The following KLHL32 variants were observed in gnomAD, a reference collection of about 807,000 sequenced individuals.
The protein encoded by KLHL32 is kelch like family member 32.
Under a neutral mutation model 64.8 loss-of-function variants are expected in KLHL32, and 35 were observed. The observed-to-expected ratio is 0.54, with a 90% CI of 0.41 to 0.72. The LOEUF is 0.72. KLHL32 is among the 30% of genes least tolerant of loss of function. The pLI, the probability that KLHL32 is intolerant of heterozygous loss-of-function variation, is 0.00. For missense variants in KLHL32, 589 were observed against 768.5 expected (o/e 0.77, Z 2.76); for synonymous variants, 259 against 281.0 (o/e 0.92, Z 0.78).
chr6:96,973,730 C>CTTT (rs558193523), intron 2 of KLHL32, among the ~76,000 whole-genome samples: 1 of 118,256 alleles, frequency 8.5e-6, no homozygotes, highest in Non-Finnish European at 1.7e-5. Context: ...TACAGATTGC[C>CTTT]TTTTTTTTTT....
intron 6 of KLHL32, among the ~76,000 whole-genome samples, chr6:97,109,829 T>G (rs1298586124): frequency 2.9e-4 from 44 of 152,170 alleles, no homozygotes; most frequent in Admixed American, 2.9e-3. Flanking sequence ...TGTAAGGATA[T>G]AAGAATGCCA....
At chr6:97,030,280 C>T (rs928080408) in intron 3 of KLHL32, among the ~76,000 whole-genome samples, 1 of 152,132 alleles carries the variant, frequency 6.6e-6, no homozygotes, top group African/African-American at 2.4e-5. Context: ...TCGTAAGGTA[C>T]CACCCTAAAA....
intron 4 of KLHL32, among the ~76,000 whole-genome samples, chr6:97,062,807 G>A (rs1282888741): frequency 6.6e-6 from 1 of 152,214 alleles, no homozygotes; most frequent in Non-Finnish European, 1.5e-5. Context: ...TATAATGTGA[G>A]GTGGTAAGCA....
chr6:96,966,708 C>T (rs1020473667), intron 1 of KLHL32, among the ~76,000 whole-genome samples: 5 of 152,138 alleles, frequency 3.3e-5, no homozygotes, highest in African/African-American at 1.2e-4. Context: ...TTCCTTTGGC[C>T]ATTCCATCTC....
intron 5 of KLHL32, among the ~76,000 whole-genome samples, chr6:97,068,577 C>G (rs911199211): frequency 6.6e-6 from 1 of 152,174 alleles, no homozygotes; most frequent in Non-Finnish European, 1.5e-5. Context: ...TAATTTTTAA[C>G]AAATAATAGG....
At chr6:96,950,683 G>A (rs1772467034) in intron 1 of KLHL32, among the ~76,000 whole-genome samples, 1 of 152,124 alleles carries the variant, frequency 6.6e-6, no homozygotes, top group South Asian at 2.1e-4. Context: ...TATTCAACCT[G>A]GCCAGATGTA....
chr6:96,963,418 A>G (rs1387931640), intron 1 of KLHL32, among the ~76,000 whole-genome samples: 2 of 152,226 alleles, frequency 1.3e-5, no homozygotes, highest in African/African-American at 2.4e-5. Context: ...AGAGAACTTC[A>G]TTTACAAAAA....
At chr6:96,941,489 T>G (rs1000194295) in intron 1 of KLHL32, among the ~76,000 whole-genome samples, 2 of 152,202 alleles carry the variant, frequency 1.3e-5, no homozygotes, top group African/African-American at 4.8e-5. Context: ...TAAATAAGTT[T>G]TCTGAGTGAC....
chr6:97,100,274 C>T (rs577906221), intron 6 of KLHL32, among the ~76,000 whole-genome samples: 3 of 152,272 alleles, frequency 2.0e-5, no homozygotes, highest in African/African-American at 7.2e-5. Context: ...GAAGGCAGTG[C>T]AAAATATGCT....
intron 1 of KLHL32, among the ~76,000 whole-genome samples, chr6:96,939,924 G>A (rs1200366110): frequency 1.3e-5 from 2 of 152,078 alleles, no homozygotes; most frequent in East Asian, 3.9e-4. Context: ...TGGGAATAGA[G>A]AAGGAGAGAA....
intron 5 of KLHL32, among the ~76,000 whole-genome samples, chr6:97,083,369 G>A (rs1272473258): frequency 3.4e-5 from 5 of 146,956 alleles, no homozygotes; most frequent in African/African-American, 5.1e-5. Flanking sequence ...CAGCCTGGGC[G>A]ACAGAGCAAG....
intron 3 of KLHL32, among the ~76,000 whole-genome samples, chr6:97,018,166 T>C (rs765257597): frequency 2.0e-5 from 3 of 152,066 alleles, no homozygotes; most frequent in Non-Finnish European, 4.4e-5. Flanking sequence ...CTTTTTTCAA[T>C]GCTACATACT....
At chr6:97,074,425 A>G (rs1040532236) in intron 5 of KLHL32, among the ~76,000 whole-genome samples, 2 of 152,198 alleles carry the variant, frequency 1.3e-5, no homozygotes, top group African/African-American at 4.8e-5. Flanking sequence ...TGTCACATTT[A>G]GATGAATTTG....
chr6:96,904,400 A>G, the KLHL32 span, among the ~76,000 whole-genome samples: 13 of 151,922 alleles, frequency 8.6e-5, no homozygotes, highest in East Asian at 2.1e-3. Flanking sequence ...AAAAAATTTC[A>G]TGGATGATGA....
chr6:96,989,160 T>C (rs557893354), intron 3 of KLHL32, among the ~76,000 whole-genome samples: 2 of 152,350 alleles, frequency 1.3e-5, no homozygotes, highest in East Asian at 3.9e-4. Flanking sequence ...AGCTGGTTAT[T>C]ATGCAGACTT....
chr6:97,044,326 A>T (rs1281288119), intron 4 of KLHL32, among the ~76,000 whole-genome samples: 1 of 152,022 alleles, frequency 6.6e-6, no homozygotes, highest in Non-Finnish European at 1.5e-5. Context: ...TTGAATCATC[A>T]TTGCATCCCA....
the KLHL32 span, among the ~76,000 whole-genome samples, chr6:96,902,885 A>G: frequency 1.3e-5 from 2 of 152,180 alleles, no homozygotes; most frequent in Non-Finnish European, 2.9e-5. Context: ...TTTGTCAAAG[A>G]TCAAATGATC....
chr6:96,965,984 A>G (rs1340345355), intron 1 of KLHL32, among the ~76,000 whole-genome samples: 1 of 152,248 alleles, frequency 6.6e-6, no homozygotes, highest in African/African-American at 2.4e-5. Context: ...TATATGAAGT[A>G]TGCAGTCATA....
chr6:97,010,123 TGACAAAAAA>T (rs1226131865), intron 3 of KLHL32: 1 of 98,188 alleles, frequency 1.0e-5, no homozygotes, highest in African/African-American at 5.1e-5. Flanking sequence ...GGCACTGATT[TGACAAAAAA>T]AAAAAAAAAA....
Sources: allele counts gnomAD v4.1 joint callset (sites outside exome capture counted in the v4.1 genomes callset), GRCh38; gene constraint gnomAD v4.1.1; transcripts MANE v1.5; gene names NCBI Gene and HGNC (gene_info 2026-07-23, HGNC 2026-07-21).